TRAF3IP2: variants seen among roughly 807,000 people sequenced by gnomAD.
The protein encoded by TRAF3IP2 is TRAF3 interacting protein 2.
Under a neutral mutation model 57.9 loss-of-function variants are expected in TRAF3IP2, and 35 were observed. The ratio of observed to expected loss-of-function variants is 0.60; its 90% CI spans 0.46 to 0.80. The LOEUF (loss-of-function observed/expected upper bound fraction) is 0.80. TRAF3IP2 is among the 30% of genes least tolerant of loss of function. The probability of loss-of-function intolerance (pLI) is 0.00; values close to 1 mark genes in which losing one functional copy is unlikely to be tolerated. For missense variants in TRAF3IP2, 556 were observed against 706.4 expected (o/e 0.79, Z 2.41); for synonymous variants, 251 against 268.9 (o/e 0.93, Z 0.65).
In TRAF3IP2 at chr6:111,563,036, G is replaced by A; in HGVS notation, c.1480C>T (p.Gln494Ter). 6.2e-7 allele frequency: 1 copy of A among 1,611,412 alleles called. No individual in the cohort carries two copies. The highest frequency in any genetic ancestry group is 8.5e-7 in the Non-Finnish European group (1 of 1,178,454). ...CTTCCTTGTTTTATGAACTCAATCT[G>A]CATCTGAAACCAAACAAATGTGAAG... ...LHTKYIHRMM[Q>*]IEFIKQGSMN... The change falls in exon 8 of 9, where the codon CAG becomes TAG. Residue 494 changes from glutamine to a stop codon, truncating the protein, a stop_gained. Transcript: ENST00000368761. LOFTEE classifies it high-confidence loss of function.
chr6:111,564,179 C>T (rs1307331614), intron 7 of TRAF3IP2, among the ~76,000 whole-genome samples: 1 of 152,086 alleles, frequency 6.6e-6, no homozygotes, highest in Non-Finnish European at 1.5e-5. Context: ...CACACACACA[C>T]ACGATCACAC....
intron 8 of TRAF3IP2, among the ~76,000 whole-genome samples, chr6:111,561,110 AG>A (rs1276130673): frequency 1.3e-5 from 2 of 151,528 alleles, no homozygotes; most frequent in Non-Finnish European, 2.9e-5. Context: ...TGAACCTGGG[AG>A]GTGGAGGTTG....
At position 111,558,030 on chromosome 6, in the gene TRAF3IP2, AAAG is replaced by A. The variant is rs985275396; in HGVS notation, c.*1372_*1374del. ...GCGAGACTCTGTCTCAAACAAAAAA[AAAG>A]AAGAAGAAAATGTCTCTGTTAAGAA... is the stretch of plus-strand genomic sequence containing the variant. On this transcript the variant is annotated 3_prime_UTR_variant, in exon 9 of 9. Transcript: ENST00000368761. 3.1e-4 allele frequency: 47 copies of A among 152,258 alleles called. No homozygotes were observed. The highest frequency in any genetic ancestry group is 8.7e-4 in the African/African-American group (36 of 41,580). The allele number at this position is 152,258 out of a possible 1,614,324, so 9.4% of individuals were successfully genotyped here.
chr6:111,592,111 C>G lies in TRAF3IP2; in HGVS notation c.-8-17G>C. 3 of 1,598,740 alleles carry G rather than the reference C, an allele frequency of 1.9e-6. No individual in the cohort carries two copies. Among genetic ancestry groups the G allele is most frequent in the Non-Finnish European group, 2.6e-6 (3 of 1,168,904 alleles). ...TTCTAGTTTCTGGAACAAGAGAAAA[C>G]ATGCTATAGCCTTAGAAGACAGATA... is the stretch of plus-strand genomic sequence containing the variant. On this transcript the variant is annotated splice_polypyrimidine_tract_variant and intron_variant, in intron 1 of 8. Transcript: ENST00000368761.
chr6:111,590,397 G>A (rs1230160633), intron 2 of TRAF3IP2, among the ~76,000 whole-genome samples: 1 of 152,206 alleles, frequency 6.6e-6, no homozygotes, highest in African/African-American at 2.4e-5. Flanking sequence ...GTGATCTGGG[G>A]AGGTTTCCAG....
chr6:111,580,325 G>A lies in TRAF3IP2; in HGVS notation c.894C>T (p.Pro298=). 6.2e-7 allele frequency: 1 copy of A among 1,604,758 alleles called. No individual in the cohort carries two copies. Among genetic ancestry groups the A allele is most frequent in the Non-Finnish European group, 8.5e-7 (1 of 1,177,050 alleles). The change falls in exon 3 of 9, where the codon CCC becomes CCT. Residue 298 remains proline, a synonymous_variant. Coordinates refer to ENST00000368761, the MANE Select transcript of TRAF3IP2 (RefSeq NM_147686.4). ...QVIQPALPGQ[P]LPGASVRGLH... is the part of the protein sequence containing the mutation. ...GGCCTCTCACACTGGCTCCAGGCAG[G>A]GGCTGCCCAGGCAGAGCCGGCTGGA...
chr6:111,600,601 T>C (rs10872070), intron 1 of TRAF3IP2: 54,793 of 152,164 alleles, frequency 0.36, 11,878 homozygotes, highest in East Asian at 0.52. Context: ...ATGGGCCACA[T>C]GCTGTGTCTG....
intron 8 of TRAF3IP2, 107 bp downstream of exon 8, chr6:111,562,858 A>C: frequency 1.1e-6 from 1 of 926,332 alleles, no homozygotes; most frequent in Non-Finnish European, 1.6e-6. Context: ...AAAAAAAAAA[A>C]AGAAAAGAAA....
At chr6:111,602,883 T>A (rs1179280439) in intron 1 of TRAF3IP2, among the ~76,000 whole-genome samples, 1 of 152,120 alleles carries the variant, frequency 6.6e-6, no homozygotes, top group Admixed American at 6.6e-5. Flanking sequence ...GGGTGCGGCC[T>A]GTGGGGTGCG....
chr6:111,568,189 A>C (rs935159990), intron 5 of TRAF3IP2, among the ~76,000 whole-genome samples: 1 of 152,210 alleles, frequency 6.6e-6, no homozygotes, highest in Non-Finnish European at 1.5e-5. Flanking sequence ...TATATGTTTC[A>C]AAAGGATTGT....
At chr6:111,601,611 GC>G (rs1312606013) in intron 1 of TRAF3IP2, 1 of 162,192 alleles carries the variant, frequency 6.2e-6, no homozygotes, top group Non-Finnish European at 1.3e-5. Flanking sequence ...CCATAATCAG[GC>G]CTTGGTGATC....
chr6:111,563,604 T>G lies in TRAF3IP2; in HGVS notation c.1477-565A>C, dbSNP rs193105229. Among the ~76,000 whole-genome samples, 6 of 152,166 alleles carry G rather than the reference T, an allele frequency of 3.9e-5. No individual in the cohort carries two copies. The East Asian group carries it at 9.7e-4, about 24-fold the overall frequency. ...GGGGCCATCCATTCTACATCAGAGA[T>G]TGGAAGGACAGTTACAAAAGAGGGT... On this transcript the variant is annotated intron_variant, in intron 7 of 8. Transcript: ENST00000368761.
intron 1 of TRAF3IP2, 82 bp from the exon 2 acceptor site, chr6:111,592,176 AT>A (rs1309350833): frequency 8.5e-7 from 1 of 1,182,796 alleles, no homozygotes; most frequent in African/African-American, 1.5e-5. Context: ...AAGGGACCTC[AT>A]TCAAGATGTG....
chr6:111,594,203 T>C (rs1025739217), intron 1 of TRAF3IP2, among the ~76,000 whole-genome samples: 1 of 151,826 alleles, frequency 6.6e-6, no homozygotes, highest in Non-Finnish European at 1.5e-5. Flanking sequence ...TGAAATTGGA[T>C]GTGCCACACA....
intron 3 of TRAF3IP2, among the ~76,000 whole-genome samples, chr6:111,577,987 AC>A (rs1445778662): frequency 6.6e-6 from 1 of 152,198 alleles, no homozygotes; most frequent in Non-Finnish European, 1.5e-5. Flanking sequence ...TGCTGGGATT[AC>A]AGGTGTGAGC....
chr6:111,566,526 T>C lies in TRAF3IP2; in HGVS notation c.1394A>G (p.Lys465Arg), dbSNP rs1474131695. The C allele has an allele frequency of 1.2e-6, 2 of 1,614,072 alleles. No individual in the cohort carries two copies. Among genetic ancestry groups the C allele is most frequent in the East Asian group, 2.2e-5 (1 of 44,894 alleles). ...TVMIIVAISP[K>R]YKQDVEGAES... The stretch of plus-strand genomic sequence containing the variant: ...AGCGCCTTCCACGTCCTGTTTGTAT[T>C]TGGGGCTGATTGCTACGATTATCAT... Residue 465 changes from lysine to arginine, a missense_variant, in exon 7 of 9, where the codon AAA becomes AGA. Coordinates refer to ENST00000368761, the MANE Select transcript of TRAF3IP2 (RefSeq NM_147686.4).
chr6:111,604,406 C>G (rs1796962129), intron 1 of TRAF3IP2, among the ~76,000 whole-genome samples: 1 of 152,242 alleles, frequency 6.6e-6, no homozygotes, highest in Non-Finnish European at 1.5e-5. Context: ...GTTTCCAGGT[C>G]CAGCTACAGC....
At position 111,557,910 on chromosome 6, in the gene TRAF3IP2, C is replaced by T. The variant is rs990337085; in HGVS notation, c.*1495G>A. 6.6e-6 allele frequency: 1 copy of T among 151,892 alleles called. No individual in the cohort carries two copies. The highest frequency in any genetic ancestry group is 1.5e-5 in the Non-Finnish European group (1 of 68,058). The allele number at this position is 151,892 out of a possible 1,614,324, so 9.4% of individuals were successfully genotyped here. ...TGGCAGGCGCCTATAGGTCTAGCTA[C>T]TTGGGAGGTTGAGGCAGAAGAATCA... On this transcript the variant is annotated 3_prime_UTR_variant, in exon 9 of 9. Coordinates refer to ENST00000368761, the MANE Select transcript of TRAF3IP2 (RefSeq NM_147686.4).
chr6:111,585,420 A>C (rs1456429872), intron 2 of TRAF3IP2, among the ~76,000 whole-genome samples: 1 of 152,214 alleles, frequency 6.6e-6, no homozygotes, highest in Non-Finnish European at 1.5e-5. Flanking sequence ...CAGGAAGTAG[A>C]GAACAGATTT....
Sources: allele counts gnomAD v4.1 joint callset (sites outside exome capture counted in the v4.1 genomes callset), GRCh38; gene constraint gnomAD v4.1.1; transcripts MANE v1.5; gene names NCBI Gene and HGNC (gene_info 2026-07-23, HGNC 2026-07-21).